The following MACROD2 variants were observed in gnomAD, a reference collection of about 807,000 sequenced individuals.
The protein encoded by MACROD2 is mono-ADP ribosylhydrolase 2, also known as ADP-ribose glycohydrolase MACROD2.
MACROD2 carries 36 observed loss-of-function variants against 70.4 expected under a neutral mutation model. The observed-to-expected ratio is 0.51, with a 90% CI of 0.39 to 0.68. MACROD2 has a LOEUF of 0.68. Among genes scored for constraint, MACROD2 ranks in the 30% least tolerant of loss-of-function variants. The probability of loss-of-function intolerance (pLI) is 0.00; values close to 1 mark genes in which losing one functional copy is unlikely to be tolerated. For synonymous variants in MACROD2, 172 were observed against 178.8 expected, an observed-to-expected ratio of 0.96 and a Z score of 0.30; for missense variants, 496 against 538.4, an observed-to-expected ratio of 0.92 and a Z score of 0.78.
intron 7 of MACROD2, among the ~76,000 whole-genome samples, chr20:15,482,540 T>G (rs1025905045): frequency 6.6e-6 from 1 of 152,198 alleles, no homozygotes; most frequent in African/African-American, 2.4e-5. Flanking sequence ...TGATCTACTG[T>G]CTCTAACCCT....
intron 8 of MACROD2, among the ~76,000 whole-genome samples, chr20:15,833,788 A>G (rs1006333074): frequency 2.6e-5 from 4 of 152,230 alleles, no homozygotes. Flanking sequence ...AGAAATTAAC[A>G]TCATTATAAA....
intron 5 of MACROD2, among the ~76,000 whole-genome samples, chr20:14,862,585 AT>A (rs1223184400): frequency 2.2e-4 from 11 of 49,548 alleles, no homozygotes; most frequent in African/African-American, 7.2e-4. Flanking sequence ...ATATATATGT[AT>A]AAATATATAT....
At position 15,247,723 on chromosome 20, in the gene MACROD2, A is replaced by C. The variant is rs537795703; in HGVS notation, c.540+17662A>C. 4.0e-5 allele frequency among the ~76,000 whole-genome samples: 6 copies of C among 151,338 alleles called. No homozygotes were observed. In the East Asian group the frequency reaches 9.7e-4, roughly 24 times the overall value. On this transcript the variant is annotated intron_variant, in intron 6 of 17. Coordinates refer to ENST00000684519, the MANE Select transcript of MACROD2 (RefSeq NM_001351661.2). ...ACAGATTTTTTTTTTTTTGAGACTG[A>C]GTCTCACTCTGTCGCCCAGGCTAGA...
intron 5 of MACROD2, among the ~76,000 whole-genome samples, chr20:14,752,918 C>G (rs2071892994): frequency 6.6e-6 from 1 of 152,068 alleles, no homozygotes; most frequent in Non-Finnish European, 1.5e-5. Context: ...GAACGGTGGT[C>G]TGATTTCATA....
intron 7 of MACROD2, among the ~76,000 whole-genome samples, chr20:15,469,625 T>G (rs1418794273): frequency 1.3e-5 from 2 of 152,020 alleles, no homozygotes; most frequent in African/African-American, 2.4e-5. Flanking sequence ...AAGAATCCAG[T>G]CCACAAGAAA....
At chr20:15,085,518 A>T (rs1000771298) in intron 5 of MACROD2, among the ~76,000 whole-genome samples, 1 of 152,158 alleles carries the variant, frequency 6.6e-6, no homozygotes, top group Non-Finnish European at 1.5e-5. Context: ...TACCTAGCAT[A>T]CATAAAGAAC....
At chr20:15,420,902 A>G (rs1223481789) in intron 6 of MACROD2, among the ~76,000 whole-genome samples, 1 of 152,158 alleles carries the variant, frequency 6.6e-6, no homozygotes, top group Non-Finnish European at 1.5e-5. Context: ...CCTAGATAGC[A>G]TAGTGAGACC....
chr20:14,824,263 T>C (rs544259014), intron 5 of MACROD2, among the ~76,000 whole-genome samples: 7 of 152,228 alleles, frequency 4.6e-5, no homozygotes, highest in African/African-American at 1.7e-4. Flanking sequence ...TTGCATACTG[T>C]AGCTTCTTTA....
chr20:15,048,893 G>C (rs1233738854), intron 5 of MACROD2, among the ~76,000 whole-genome samples: 1 of 151,772 alleles, frequency 6.6e-6, no homozygotes, highest in Non-Finnish European at 1.5e-5. Context: ...TTTCAACATT[G>C]TTCTGTCACT....
At chr20:14,541,609 C>T (rs1188188586) in intron 4 of MACROD2, among the ~76,000 whole-genome samples, 1 of 151,930 alleles carries the variant, frequency 6.6e-6, no homozygotes, top group African/African-American at 2.4e-5. Context: ...CACACACACA[C>T]ACACACACTA....
chr20:14,817,727 C>A (rs556689692), intron 5 of MACROD2, among the ~76,000 whole-genome samples: 1 of 152,208 alleles, frequency 6.6e-6, no homozygotes, highest in East Asian at 1.9e-4. Context: ...TGAGAGAAGC[C>A]TTGGAAATGG....
intron 5 of MACROD2, among the ~76,000 whole-genome samples, chr20:15,091,417 GA>G (rs2075792217): frequency 6.6e-6 from 1 of 151,904 alleles, no homozygotes; most frequent in African/African-American, 2.4e-5. Flanking sequence ...ATAAATGAAT[GA>G]AAATATTTTT....
At chr20:15,193,701 G>T (rs1324795559) in intron 5 of MACROD2, among the ~76,000 whole-genome samples, 1 of 151,860 alleles carries the variant, frequency 6.6e-6, no homozygotes, top group African/African-American at 2.4e-5. Flanking sequence ...CTGCCGTCTT[G>T]CACGCTGGCT....
At chr20:14,240,607 C>G (rs375530650) in intron 3 of MACROD2, among the ~76,000 whole-genome samples, 3 of 152,110 alleles carry the variant, frequency 2.0e-5, no homozygotes, top group Non-Finnish European at 4.4e-5. Context: ...CCAAATACTG[C>G]GTGTTCTCAC....
intron 4 of MACROD2, among the ~76,000 whole-genome samples, chr20:14,512,447 C>T (rs1463938935): frequency 2.6e-5 from 4 of 151,956 alleles, no homozygotes; most frequent in Non-Finnish European, 4.4e-5. Flanking sequence ...CCATGTTAGA[C>T]TGAATGAATG....
At chr20:15,161,517 A>G (rs2076348338) in intron 5 of MACROD2, among the ~76,000 whole-genome samples, 1 of 151,938 alleles carries the variant, frequency 6.6e-6, no homozygotes, top group Non-Finnish European at 1.5e-5. Flanking sequence ...TAATATTTGT[A>G]CATACTGCCC....
chr20:14,181,403 G>T (rs929628353), intron 3 of MACROD2, among the ~76,000 whole-genome samples: 1 of 151,756 alleles, frequency 6.6e-6, no homozygotes, highest in Non-Finnish European at 1.5e-5. Context: ...CCTCACAATA[G>T]AGTGACGAAA....
chr20:15,009,679 TA>T (rs2075066489), intron 5 of MACROD2, among the ~76,000 whole-genome samples: 1 of 152,010 alleles, frequency 6.6e-6, no homozygotes, highest in Admixed American at 6.6e-5. Context: ...GCTTTTGAAA[TA>T]GAAGATAAAC....
intron 2 of MACROD2, among the ~76,000 whole-genome samples, chr20:14,073,971 A>G (rs2053883718): frequency 6.6e-6 from 1 of 152,168 alleles, no homozygotes; most frequent in Non-Finnish European, 1.5e-5. Context: ...CAGTTTGAGC[A>G]AGAATCTTGC....
Sources: gnomAD v4.1 joint callset for allele counts (sites outside exome capture counted in the v4.1 genomes callset) on GRCh38, gnomAD v4.1.1 for gene constraint, MANE v1.5 for transcripts, NCBI Gene and HGNC (gene_info 2026-07-23, HGNC 2026-07-21) for gene names.